The following ERH variants were observed in gnomAD, a reference collection of about 807,000 sequenced individuals.
The protein encoded by ERH is enhancer of rudimentary homolog.
A neutral mutation model predicts 16.8 loss-of-function variants in ERH; 1 was observed. The ratio of observed to expected loss-of-function variants is 0.06; its 90% CI spans 0.02 to 0.28. The LOEUF (loss-of-function observed/expected upper bound fraction) is 0.28, where lower values mean the gene tolerates loss of function less well. Among genes scored for constraint, ERH ranks in the 10% least tolerant of loss-of-function variants. ERH has a pLI of 1.00. For missense variants in ERH, 42 were observed against 127.5 expected, an observed-to-expected ratio of 0.33 and a Z score of 3.23; for synonymous variants, 43 against 43.6, an observed-to-expected ratio of 0.99 and a Z score of 0.05.
chr14:69,392,743 C>T (rs1190061089), intron 2 of ERH, among the ~76,000 whole-genome samples: 1 of 152,052 alleles, frequency 6.6e-6, no homozygotes. Context: ...ATGCACCACA[C>T]CAGTGAAATT....
intron 3 of ERH, among the ~76,000 whole-genome samples, chr14:69,383,755 G>C (rs755001778): frequency 6.6e-6 from 1 of 152,110 alleles, no homozygotes; most frequent in Non-Finnish European, 1.5e-5. Context: ...GAATTATCTA[G>C]GTAATAATTA....
intron 1 of ERH, among the ~76,000 whole-genome samples, 167 bp from the exon 2 acceptor site, chr14:69,395,079 TGA>T (rs914471585): frequency 3.3e-5 from 5 of 152,250 alleles, no homozygotes; most frequent in Admixed American, 3.3e-4. Flanking sequence ...TCTGGGAGGC[TGA>T]GAGGGGGAAA....
At position 69,394,965 on chromosome 14, in the gene ERH, T is replaced by C. The variant is rs1882300439; in HGVS notation, c.4-53A>G. The stretch of plus-strand genomic sequence containing the variant: ...AAGTTTCTATTTGAGAAATTCATAG[T>C]ATGATAAAAAAAAATCCCCATTTGT... On this transcript the variant is annotated intron_variant, in intron 1 of 3. Transcript: ENST00000557016. 7 of 1,295,120 alleles carry C rather than the reference T, an allele frequency of 5.4e-6. No homozygotes were observed. In the East Asian group the frequency reaches 1.6e-4, roughly 30 times the overall value. The allele number at this position is 1,295,120 out of a possible 1,614,324, so 80.2% of individuals were successfully genotyped here. A position where few individuals can be genotyped will look rare whatever the true frequency, so the allele number is the denominator to read the frequency against.
intron 1 of ERH, 26 bp from the exon 2 acceptor site, chr14:69,394,938 A>G (rs375870375): frequency 3.1e-5 from 46 of 1,490,674 alleles, no homozygotes; most frequent in African/African-American, 1.1e-4. Flanking sequence ...TGATTTCAAT[A>G]TAAGTTTCTA....
At chr14:69,398,092 G>A (rs930889801) in intron 1 of ERH, 139 bp downstream of exon 1, 4 of 1,096,796 alleles carry the variant, frequency 3.6e-6, no homozygotes, top group East Asian at 2.5e-5. Flanking sequence ...GCGGGAAGAA[G>A]GGTCAATCCA....
chr14:69,392,209 GAA>G (rs150769493), intron 2 of ERH, among the ~76,000 whole-genome samples: 74 of 131,130 alleles, frequency 5.6e-4, no homozygotes, highest in South Asian at 9.2e-4. Context: ...TTTACTACAA[GAA>G]AAAAAAAAAA....
intron 2 of ERH, among the ~76,000 whole-genome samples, chr14:69,387,680 C>T (rs2045900111): frequency 8.0e-6 from 1 of 124,416 alleles, no homozygotes; most frequent in Admixed American, 8.5e-5. Context: ...AGTAATTCTT[C>T]CTAAAGCCAC....
rs1221437834 is a variant in ERH at position 69,381,981 on chromosome 14, G to A, written c.213-1341C>T. The stretch of plus-strand genomic sequence containing the variant: ...GCTGGGATTACAGGCGTGAGCCACC[G>A]CACCTGGCCTCCTTTTTCATAAATG... On this transcript the variant is annotated intron_variant, in intron 3 of 3. Coordinates refer to ENST00000557016, the MANE Select transcript of ERH (RefSeq NM_004450.3). Among the ~76,000 whole-genome samples, 7 of 152,302 alleles carry A rather than the reference G, an allele frequency of 4.6e-5. No homozygotes were observed. In the East Asian group the frequency reaches 5.8e-4, roughly 13 times the overall value.
At chr14:69,388,188 T>C (rs1161844389) in intron 2 of ERH, among the ~76,000 whole-genome samples, 1 of 152,202 alleles carries the variant, frequency 6.6e-6, no homozygotes, top group East Asian at 1.9e-4. Flanking sequence ...CTTCATAGAA[T>C]TGTGAGGTTT....
intron 3 of ERH, chr14:69,386,704 G>C (rs924952601): frequency 9.9e-6 from 3 of 302,768 alleles, no homozygotes; most frequent in African/African-American, 6.5e-5. Flanking sequence ...AAGGAACAAA[G>C]AAGAGGCACA....
At chr14:69,394,048 T>A (rs1201615089) in intron 2 of ERH, among the ~76,000 whole-genome samples, 2 of 151,328 alleles carry the variant, frequency 1.3e-5, no homozygotes, top group African/African-American at 2.4e-5. Flanking sequence ...GGCCCAGACT[T>A]TACTACTATG....
chr14:69,385,367 G>C (rs1402587518), intron 3 of ERH, among the ~76,000 whole-genome samples: 1 of 152,048 alleles, frequency 6.6e-6, no homozygotes, highest in Non-Finnish European at 1.5e-5. Flanking sequence ...CCACAAACCT[G>C]TAACACCTGT....
chr14:69,386,420 TA>T (rs2045893586), intron 3 of ERH, among the ~76,000 whole-genome samples: 1 of 152,220 alleles, frequency 6.6e-6, no homozygotes, highest in Non-Finnish European at 1.5e-5. Context: ...TTCGCTAATG[TA>T]AAAAAGATTA....
chr14:69,387,122 G>A (rs777103056), intron 2 of ERH, 39 bp from the exon 3 acceptor site: 18 of 1,583,858 alleles, frequency 1.1e-5, no homozygotes, highest in South Asian at 2.2e-5. Context: ...TCTTACAATC[G>A]CATACACTTC....
At chr14:69,394,687 T>C (rs934553974) in intron 2 of ERH, 138 bp downstream of exon 2, 14 of 559,804 alleles carry the variant, frequency 2.5e-5, no homozygotes, top group Middle Eastern at 4.5e-4. Flanking sequence ...AAATTAGCAA[T>C]TCAATAAATT....
intron 3 of ERH, 122 bp from the exon 4 acceptor site, chr14:69,380,762 G>A: frequency 3.4e-6 from 2 of 594,808 alleles, no homozygotes; most frequent in Non-Finnish European, 3.1e-6. Context: ...TGAACTTAAT[G>A]AAAAGCTGAA....
chr14:69,380,556 G>A lies in ERH; in HGVS notation c.297C>T (p.Ala99=), dbSNP rs11545982. The A allele has an allele frequency of 6.2e-7, 1 of 1,610,172 alleles. No individual in the cohort carries two copies. The highest frequency in any genetic ancestry group is 8.5e-7 in the Non-Finnish European group (1 of 1,176,864). The change falls in exon 4 of 4, where the codon GCC becomes GCT. Residue 99 remains alanine, a synonymous_variant. Coordinates refer to ENST00000557016, the MANE Select transcript of ERH (RefSeq NM_004450.3). ...AACACAATTATTTCCCAGCCTGTTG[G>A]GCCTGCCGACGAAGGAGCACGTAGA... The part of the protein sequence containing the change: ...EKIYVLLRRQ[A]QQAGK
Position 69,389,077 on chromosome 14 carries a change from T to A in ERH, c.92-1994A>T, listed in dbSNP as rs185761205. ...CTCTTGTTGCCCAGGCTGGAGTGCATTGGCACAATCTCGGCTCACTGCAAC... is the reference window on the plus strand; with the variant it reads ...CTCTTGTTGCCCAGGCTGGAGTGCAATGGCACAATCTCGGCTCACTGCAAC... On this transcript the variant is annotated intron_variant, in intron 2 of 3. Transcript: ENST00000557016. 3.1e-3 allele frequency among the ~76,000 whole-genome samples: 476 copies of A among 152,028 alleles called. 4 individuals carry two copies. Among genetic ancestry groups the A allele is most frequent in the African/African-American group, 0.011 (462 of 41,464 alleles).
In ERH at chr14:69,380,390, A is replaced by G; in HGVS notation, c.*148T>C. The G allele has an allele frequency of 2.1e-6, 1 of 467,980 alleles. No individual in the cohort carries two copies. The highest frequency in any genetic ancestry group is 3.3e-5 in the Admixed American group (1 of 30,154). The allele number at this position is 467,980 out of a possible 1,614,324, so 29.0% of individuals were successfully genotyped here. A position where few individuals can be genotyped will look rare whatever the true frequency, so the allele number is the denominator to read the frequency against. On this transcript the variant is annotated 3_prime_UTR_variant, in exon 4 of 4. Transcript: ENST00000557016. The stretch of plus-strand genomic sequence containing the variant: ...TAACGGGGGTTTCCGATTGAACAAG[A>G]TCCTCACATTTCATCTAATACAGTC...
Sources: allele counts gnomAD v4.1 joint callset (sites outside exome capture counted in the v4.1 genomes callset), GRCh38; gene constraint gnomAD v4.1.1; transcripts MANE v1.5; gene names NCBI Gene and HGNC (gene_info 2026-07-23, HGNC 2026-07-21).